Variants in ADGRG7 observed in about 807,000 individuals in gnomAD.
ADGRG7 encodes the protein adhesion G protein-coupled receptor G7.
Under a neutral mutation model 88.6 loss-of-function variants are expected in ADGRG7, and 82 were observed. The observed-to-expected ratio is 0.93, with a 90% CI of 0.77 to 1.11. The LOEUF is 1.11. ADGRG7 is among the 50% of genes most tolerant of loss of function. The pLI is 0.00. For missense variants in ADGRG7, 945 were observed against 953.4 expected (o/e 0.99, Z 0.12); for synonymous variants, 381 against 345.2 (o/e 1.10, Z -1.15).
chr3:100,675,745 CTTTGCTAGGAAACT>C (rs2094964521), intron 15 of ADGRG7, among the ~76,000 whole-genome samples: 1 of 152,002 alleles, frequency 6.6e-6, no homozygotes, highest in Admixed American at 6.5e-5. Context: ...CTGGGCTTTT[CTTTGCTAGGAAACT>C]TTTTATTACA....
At chr3:100,648,801 A>T (rs56119609) in intron 10 of ADGRG7, among the ~76,000 whole-genome samples, 39,512 of 151,926 alleles carry the variant, frequency 0.26, 5,828 homozygotes, top group Non-Finnish European at 0.34. Context: ...AACTTAAAAA[A>T]ATCAGAAAGT....
At chr3:100,634,256 T>G (rs771588952) in intron 4 of ADGRG7, among the ~76,000 whole-genome samples, 16 of 152,228 alleles carry the variant, frequency 1.1e-4, no homozygotes, top group Non-Finnish European at 1.9e-4. Context: ...GCCTTTCATG[T>G]GCCTGGCATG....
At chr3:100,675,603 AG>A (rs1197946148) in intron 15 of ADGRG7, among the ~76,000 whole-genome samples, 25 of 152,212 alleles carry the variant, frequency 1.6e-4, no homozygotes, top group African/African-American at 5.5e-4. Flanking sequence ...TTTTGGCACC[AG>A]GGTAATACTG....
rs181262820 is a variant in ADGRG7, at chr3:100,618,749, A to G, written c.115+8778A>G. ...CTTTAAAGTAGTTTTTTCCAATTCT[A>G]TGAAGAAAGTCATTGGTAGCTTGAT... On this transcript the variant is annotated intron_variant, in intron 1 of 15. Transcript: ENST00000273352. Among the ~76,000 whole-genome samples, 6 of 151,872 alleles carry G rather than the reference A, an allele frequency of 4.0e-5. No homozygotes were observed. In the East Asian group the frequency reaches 7.7e-4, roughly 20 times the overall value.
chr3:100,632,412 A>G lies in ADGRG7; in HGVS notation c.335-853A>G, dbSNP rs1040411734. Among the ~76,000 whole-genome samples the G allele has an allele frequency of 5.3e-5, 8 of 152,186 alleles. No homozygotes were observed. In the East Asian group the frequency reaches 1.3e-3, roughly 26 times the overall value. On this transcript the variant is annotated intron_variant, in intron 3 of 15. Transcript: ENST00000273352. ...TAATTGCTTCTAATTACTCAATATT[A>G]TATACCAAATGATCAAAATACTTTT...
intron 5 of ADGRG7, among the ~76,000 whole-genome samples, chr3:100,637,071 C>T (rs1707556349): frequency 6.6e-6 from 1 of 152,158 alleles, no homozygotes. Flanking sequence ...AATTCAGGGA[C>T]TTAAACCTCC....
intron 1 of ADGRG7, among the ~76,000 whole-genome samples, chr3:100,624,200 A>G (rs1210291050): frequency 2.0e-5 from 3 of 152,088 alleles, no homozygotes; most frequent in African/African-American, 7.2e-5. Context: ...GCCAGCATAT[A>G]TTGTTTCTTA....
Position 100,643,414 on chromosome 3 carries a change from T to C in ADGRG7, c.838+9T>C. The C allele has an allele frequency of 6.2e-7, 1 of 1,613,700 alleles. No individual in the cohort carries two copies. Among genetic ancestry groups the C allele is most frequent in the Non-Finnish European group, 8.5e-7 (1 of 1,179,792 alleles). ...CTTCTCTGTGCAGAAAGGTGAGCTG[T>C]TAATCTTATGTGCTTGTAACAGCAA... On this transcript the variant is annotated intron_variant, in intron 7 of 15. Transcript: ENST00000273352.
chr3:100,615,791 A>G (rs1431525174), intron 1 of ADGRG7, among the ~76,000 whole-genome samples: 6 of 152,176 alleles, frequency 3.9e-5, no homozygotes, highest in African/African-American at 1.4e-4. Flanking sequence ...AGTCAACCAT[A>G]TGAGGGGCAG....
chr3:100,676,380 T>G (rs932341352), intron 15 of ADGRG7, among the ~76,000 whole-genome samples: 5 of 152,146 alleles, frequency 3.3e-5, no homozygotes, highest in African/African-American at 1.2e-4. Context: ...AGGAGCATAT[T>G]GTTTAATTTC....
In ADGRG7 at chr3:100,665,306, T is replaced by C. The variant is rs893583930; in HGVS notation, c.1980-3643T>C. On this transcript the variant is annotated intron_variant, in intron 14 of 15. Coordinates refer to ENST00000273352, the MANE Select transcript of ADGRG7 (RefSeq NM_032787.3). Reference sequence around the variant, plus strand: ...GAGGTTGTCGTTCAGGTAGTTCATCTTTAAGTTCATCTGGTGAAATACCCT... The same window carrying C: ...GAGGTTGTCGTTCAGGTAGTTCATCCTTAAGTTCATCTGGTGAAATACCCT... 3 of 540,724 alleles carry C rather than the reference T, an allele frequency of 5.5e-6. No homozygotes were observed. In the African/African-American group the frequency reaches 5.8e-5, roughly 10 times the overall value. 33.5% of individuals were successfully genotyped at this position (540,724 alleles called of 1,614,324 possible). A position where few individuals can be genotyped will look rare whatever the true frequency, so the allele number is the denominator to read the frequency against.
intron 15 of ADGRG7, among the ~76,000 whole-genome samples, chr3:100,674,731 C>T (rs1004755402): frequency 1.3e-5 from 2 of 152,094 alleles, no homozygotes; most frequent in African/African-American, 4.8e-5. Context: ...GCATGTGCCA[C>T]CACCCCTAGC....
intron 13 of ADGRG7, among the ~76,000 whole-genome samples, chr3:100,658,932 T>C (rs2094941110): frequency 6.6e-6 from 1 of 152,184 alleles, no homozygotes; most frequent in Admixed American, 6.5e-5. Context: ...ACTCTCTAAA[T>C]ATTTATTAAA....
At chr3:100,629,405 G>A (rs1467332669) in intron 1 of ADGRG7, among the ~76,000 whole-genome samples, 193 bp from the exon 2 acceptor site, 1 of 151,508 alleles carries the variant, frequency 6.6e-6, no homozygotes, top group Non-Finnish European at 1.5e-5. Flanking sequence ...GGTATCCATA[G>A]CATCTAGTAA....
chr3:100,655,516 A>G (rs2094936524), intron 12 of ADGRG7, among the ~76,000 whole-genome samples: 1 of 152,256 alleles, frequency 6.6e-6, no homozygotes, highest in South Asian at 2.1e-4. Flanking sequence ...CAAGAAAGAC[A>G]ATCAGAGTGA....
chr3:100,665,227 A>G, intron 14 of ADGRG7: 1 of 540,302 alleles, frequency 1.9e-6, no homozygotes, highest in Non-Finnish European at 3.8e-6. Context: ...AGCACGGAGG[A>G]TATGGAACTC....
chr3:100,646,104 C>T lies in ADGRG7; in HGVS notation c.1106C>T (p.Pro369Leu), dbSNP rs1476513280. The T allele has an allele frequency of 6.2e-7, 1 of 1,606,018 alleles. No individual in the cohort carries two copies. Among genetic ancestry groups the T allele is most frequent in the East Asian group, 2.2e-5 (1 of 44,522 alleles). The stretch of plus-strand genomic sequence containing the variant: ...GCTTCTGTTGACATGGTCTTTAGTC[C>T]AAAGGTGAGTTTTTCATTGCAGATG... ...QSASVDMVFS[P>L]KYNQKEFQLY... The change falls in exon 9 of 16, where the codon CCA becomes CTA. Residue 369 changes from proline (P) to leucine (L), a missense_variant. Coordinates refer to ENST00000273352, the MANE Select transcript of ADGRG7 (RefSeq NM_032787.3).
At chr3:100,626,835 A>G (rs141097288) in intron 1 of ADGRG7, among the ~76,000 whole-genome samples, 7 of 152,324 alleles carry the variant, frequency 4.6e-5, no homozygotes, top group African/African-American at 1.4e-4. Flanking sequence ...AAATTTTGTT[A>G]GATTTATTTC....
chr3:100,611,253 T>C (rs920948584), intron 1 of ADGRG7, among the ~76,000 whole-genome samples: 1,918 of 106,764 alleles, frequency 0.018, 30 homozygotes, highest in South Asian at 0.029. Context: ...TTTTCCTTCC[T>C]TCCTTCCTTC....
Sources: allele counts gnomAD v4.1 joint callset (sites outside exome capture counted in the v4.1 genomes callset), GRCh38; gene constraint gnomAD v4.1.1; transcripts MANE v1.5; gene names NCBI Gene and HGNC (gene_info 2026-07-23, HGNC 2026-07-21).